TMCO5A: variants seen among roughly 807,000 people sequenced by gnomAD.
The protein encoded by TMCO5A is transmembrane and coiled-coil domains 5A, also known as transmembrane and coiled-coil domain-containing protein 5A.
Under a neutral mutation model 42.3 loss-of-function variants are expected in TMCO5A, and 34 were observed. The ratio of observed to expected loss-of-function variants is 0.80; its 90% CI spans 0.61 to 1.07. The LOEUF is 1.07. Among genes scored for constraint, TMCO5A ranks in the 50% least tolerant of loss-of-function variants. The pLI is 0.00. For synonymous variants in TMCO5A, 131 were observed against 115.6 expected (o/e 1.13, Z -0.86); for missense variants, 357 against 327.9 (o/e 1.09, Z -0.69).
the TMCO5A span, among the ~76,000 whole-genome samples, chr15:38,010,945 C>T: frequency 1.3e-5 from 2 of 152,198 alleles, no homozygotes; most frequent in African/African-American, 4.8e-5. Flanking sequence ...CAGGGTTTTG[C>T]CTTGTCAGCC....
At chr15:37,956,369 A>G (rs891763407), downstream of TMCO5A, among the ~76,000 whole-genome samples, 2 of 151,920 alleles carry the variant, frequency 1.3e-5, no homozygotes, top group Admixed American at 6.6e-5. Flanking sequence ...AAAGAAGAAA[A>G]CAGAGAATCA....
chr15:37,990,543 CAT>C, the TMCO5A span, among the ~76,000 whole-genome samples: 2 of 152,002 alleles, frequency 1.3e-5, no homozygotes, highest in Admixed American at 6.6e-5. Flanking sequence ...ATAGTTGGAT[CAT>C]GTGTGTGTGG....
the TMCO5A span, among the ~76,000 whole-genome samples, chr15:37,996,848 C>G: frequency 6.6e-6 from 1 of 152,200 alleles, no homozygotes; most frequent in Non-Finnish European, 1.5e-5. Flanking sequence ...TAGCAGAAGG[C>G]ACCACTTACC....
At chr15:38,021,039 G>T in the TMCO5A span, among the ~76,000 whole-genome samples, 1 of 152,082 alleles carries the variant, frequency 6.6e-6, no homozygotes, top group Non-Finnish European at 1.5e-5. Flanking sequence ...TGCATTCCGG[G>T]TATTTAAAAA....
chr15:37,985,307 G>T, the TMCO5A span, among the ~76,000 whole-genome samples: 1 of 152,148 alleles, frequency 6.6e-6, no homozygotes, highest in African/African-American at 2.4e-5. Flanking sequence ...GGGTAGGTAG[G>T]TGTTAATTTT....
the TMCO5A span, among the ~76,000 whole-genome samples, chr15:38,015,142 G>C: frequency 1.3e-5 from 2 of 151,770 alleles, no homozygotes; most frequent in African/African-American, 4.8e-5. Context: ...ACCAGATTAA[G>C]GGTGGATCTG....
At chr15:38,030,713 A>G in the TMCO5A span, among the ~76,000 whole-genome samples, 1 of 152,184 alleles carries the variant, frequency 6.6e-6, no homozygotes, top group African/African-American at 2.4e-5. Context: ...TCTGCACTCC[A>G]GAAATGTTGA....
At chr15:37,990,267 A>G in the TMCO5A span, among the ~76,000 whole-genome samples, 5 of 151,960 alleles carry the variant, frequency 3.3e-5, no homozygotes, top group African/African-American at 1.2e-4. Flanking sequence ...TCTCCCTCCA[A>G]TTCTGTTTTT....
the TMCO5A span, among the ~76,000 whole-genome samples, chr15:37,980,826 C>A: frequency 4.6e-3 from 696 of 152,146 alleles, 5 homozygotes; most frequent in African/African-American, 0.015. Flanking sequence ...CATGATAATG[C>A]AACAAATCCA....
chr15:38,009,711 C>A, the TMCO5A span, among the ~76,000 whole-genome samples: 5 of 152,200 alleles, frequency 3.3e-5, no homozygotes, highest in African/African-American at 1.2e-4. Flanking sequence ...TGCCTGGGTT[C>A]ACACTGGCTT....
chr15:37,942,190 G>A lies in TMCO5A; in HGVS notation c.505-1G>A, dbSNP rs759582376. The A allele has an allele frequency of 5.2e-5, 84 of 1,612,236 alleles. No homozygotes were observed. The highest frequency in any genetic ancestry group is 7.1e-5 in the Non-Finnish European group (84 of 1,179,054). On this transcript the variant is annotated splice_acceptor_variant, in intron 8 of 11. Coordinates refer to ENST00000319669, the MANE Select transcript of TMCO5A (RefSeq NM_152453.4). LOFTEE classifies it high-confidence loss of function. Reference sequence around the variant, plus strand: ...GTGGCTTTCTTTGTTTCTCTTTGAAGAAGTACCAGGAAACGTTGAAGAAAA... The same window carrying A: ...GTGGCTTTCTTTGTTTCTCTTTGAAAAAGTACCAGGAAACGTTGAAGAAAA...
intron 11 of TMCO5A, among the ~76,000 whole-genome samples, chr15:37,962,338 C>A (rs1273816803): frequency 6.6e-6 from 1 of 151,834 alleles, no homozygotes; most frequent in Non-Finnish European, 1.5e-5. Flanking sequence ...GGCATATAAC[C>A]TTTATTGACT....
At chr15:37,963,113 G>A (rs189693765) in intron 11 of TMCO5A, among the ~76,000 whole-genome samples, 33 of 152,006 alleles carry the variant, frequency 2.2e-4, no homozygotes, top group Middle Eastern at 3.4e-3. Flanking sequence ...GTTTGTTCTT[G>A]TTTCTGTAGT....
intron 11 of TMCO5A, among the ~76,000 whole-genome samples, chr15:37,961,032 C>T (rs1890412450): frequency 6.6e-6 from 1 of 152,118 alleles, no homozygotes; most frequent in Non-Finnish European, 1.5e-5. Flanking sequence ...CATACAAAAG[C>T]TCTTTAGTTT....
intron 11 of TMCO5A, among the ~76,000 whole-genome samples, chr15:37,964,085 T>C (rs1472779278): frequency 6.6e-6 from 1 of 152,176 alleles, no homozygotes; most frequent in Non-Finnish European, 1.5e-5. Flanking sequence ...TGTTTTGTCG[T>C]ATTACCAGAG....
At chr15:38,030,021 G>A in the TMCO5A span, among the ~76,000 whole-genome samples, 8 of 152,166 alleles carry the variant, frequency 5.3e-5, no homozygotes, top group Middle Eastern at 3.4e-3. Context: ...GGCTTATCAC[G>A]GGTAGAAAAA....
At chr15:37,974,090 C>G in the TMCO5A span, among the ~76,000 whole-genome samples, 1 of 152,158 alleles carries the variant, frequency 6.6e-6, no homozygotes, top group African/African-American at 2.4e-5. Flanking sequence ...TTGAACAAAC[C>G]TTGCATCCCA....
chr15:37,989,381 T>G, the TMCO5A span, among the ~76,000 whole-genome samples: 1 of 152,008 alleles, frequency 6.6e-6, no homozygotes, highest in Non-Finnish European at 1.5e-5. Flanking sequence ...CTTTCTTAAA[T>G]TATTATACAT....
chr15:37,937,010 T>C, intron 4 of TMCO5A, 40 bp downstream of exon 4: 7 of 1,607,798 alleles, frequency 4.4e-6, no homozygotes, highest in Non-Finnish European at 5.9e-6. Context: ...ATAGGTTGCA[T>C]TCCTCATTCC....
Sources: allele counts gnomAD v4.1 joint callset (sites outside exome capture counted in the v4.1 genomes callset), GRCh38; gene constraint gnomAD v4.1.1; transcripts MANE v1.5; gene names NCBI Gene and HGNC (gene_info 2026-07-23, HGNC 2026-07-21).